The following APEH variants were observed in gnomAD, a reference collection of about 807,000 sequenced individuals.
APEH encodes the protein acylaminoacyl-peptide hydrolase, also known as acylamino-acid-releasing enzyme.
Under a neutral mutation model 102.7 loss-of-function variants are expected in APEH, and 75 were observed. The observed-to-expected ratio is 0.73, with a 90% CI of 0.61 to 0.89. APEH has a LOEUF of 0.89. APEH is among the 40% of genes least tolerant of loss of function. The pLI, the probability that APEH is intolerant of heterozygous loss-of-function variation, is 0.00. For missense variants in APEH, 863 were observed against 941.2 expected (o/e 0.92, Z 1.09); for synonymous variants, 344 against 362.7 (o/e 0.95, Z 0.59).
At chr3:49,675,808 G>A (rs372189144) in intron 4 of APEH, 21 bp downstream of exon 4, 1 of 1,613,118 alleles carries the variant, frequency 6.2e-7, no homozygotes, top group Non-Finnish European at 8.5e-7. Flanking sequence ...ATGGGACCAG[G>A]TAGTGGGTGA....
intron 11 of APEH, 105 bp downstream of exon 11, chr3:49,677,738 G>T: frequency 8.7e-7 from 1 of 1,144,624 alleles, no homozygotes; most frequent in Non-Finnish European, 1.3e-6. Flanking sequence ...CCTTCTGAGG[G>T]CCCTACCTCC....
intron 14 of APEH, 90 bp from the exon 15 acceptor site, chr3:49,681,011 T>C (rs2053293769): frequency 6.8e-7 from 1 of 1,464,586 alleles, no homozygotes; most frequent in African/African-American, 1.4e-5. Context: ...GGGCCCAGCA[T>C]AGTGAGAGCT....
chr3:49,680,476 A>G (rs1575476368), intron 13 of APEH, 65 bp from the exon 14 acceptor site: 2 of 1,427,554 alleles, frequency 1.4e-6, no homozygotes, highest in East Asian at 2.3e-5. Context: ...GGACTCTGTT[A>G]CAGAGAAGCA....
chr3:49,681,034 C>T, intron 14 of APEH, 67 bp from the exon 15 acceptor site: 3 of 1,503,524 alleles, frequency 2.0e-6, no homozygotes, highest in Non-Finnish European at 2.7e-6. Context: ...CTATTTCCCA[C>T]TGTGGGCAGA....
chr3:49,675,848 G>T, intron 4 of APEH, 43 bp from the exon 5 acceptor site: 1 of 1,612,678 alleles, frequency 6.2e-7, no homozygotes, highest in Non-Finnish European at 8.5e-7. Flanking sequence ...CACAGATAAG[G>T]CTCTGTTAGC....
In APEH at chr3:49,682,707, C is replaced by G. The variant is rs766350404; in HGVS notation, c.1854C>G (p.Ser618=). 1.9e-6 allele frequency: 3 copies of G among 1,613,868 alleles called. No homozygotes were observed. Among genetic ancestry groups the G allele is most frequent in the Non-Finnish European group, 2.5e-6 (3 of 1,180,012 alleles). ...GGAACCCCGTGATCAACATCGCCTC[C>G]ATGTTGGGCTCCACTGACATCCCTG... is the stretch of plus-strand genomic sequence containing the variant. ...VARNPVINIA[S]MLGSTDIPDW... Residue 618 remains serine, a synonymous_variant, in exon 19 of 22, where the codon TCC becomes TCG. Coordinates refer to ENST00000296456, the MANE Select transcript of APEH (RefSeq NM_001640.4).
Position 49,676,478 on chromosome 3 carries a change from T to G in APEH, c.707T>G (p.Val236Gly), listed in dbSNP as rs962991867. The G allele has an allele frequency of 6.2e-7, 1 of 1,614,240 alleles. No homozygotes were observed. The highest frequency in any genetic ancestry group is 1.7e-5 in the Admixed American group (1 of 60,032). Residue 236 changes from valine to glycine, a missense_variant, in exon 7 of 22, where the codon GTG (valine) becomes GGG (glycine). By Grantham distance (109) the Val-to-Gly change is moderately radical. Transcript: ENST00000296456. ...GATGTCGAGAGTGGCAACATCTCTG[T>G]GCTTGAGGGGGTCCCTGAGAATGTG... ...VLDVESGNIS[V>G]LEGVPENVSP...
At chr3:49,675,659 A>G in intron 3 of APEH, 35 bp from the exon 4 acceptor site, 2 of 1,577,436 alleles carry the variant, frequency 1.3e-6, no homozygotes, top group East Asian at 2.2e-5. Flanking sequence ...GGTTATTGCA[A>G]GATAATCCTG....
At position 49,676,396 on chromosome 3, in the gene APEH, TA is replaced by T; in HGVS notation, c.626del (p.Tyr209LeufsTer99). 1 of 1,614,230 alleles carries T rather than the reference TA, an allele frequency of 6.2e-7. No individual in the cohort carries two copies. Among genetic ancestry groups the T allele is most frequent in the Non-Finnish European group, 8.5e-7 (1 of 1,180,040 alleles). On this transcript the variant is annotated frameshift_variant, in exon 7 of 22. Coordinates refer to ENST00000296456, the MANE Select transcript of APEH (RefSeq NM_001640.4). LOFTEE classifies it high-confidence loss of function. ...TTCTCAGGGGGATCAGTTTGTGTTT[TA>T]TGAAGACTGGGGAGAAAACATGGTT... ...QAIKGDQFVF[Y>X]EDWGENMVSK...
intron 13 of APEH, chr3:49,680,079 T>G: frequency 4.1e-6 from 1 of 242,136 alleles, no homozygotes; most frequent in Non-Finnish European, 8.4e-6. Flanking sequence ...TACTTAGGCC[T>G]GGTGATTCTG....
chr3:49,679,800 G>T lies in APEH; in HGVS notation c.1210+156G>T, dbSNP rs1011944353. On this transcript the variant is annotated intron_variant, in intron 13 of 21. Transcript: ENST00000296456. This position sits in a 1 kb window ranked among gnomAD's most constrained non-coding sequence, Gnocchi z 4.3. The stretch of plus-strand genomic sequence containing the variant: ...ACAGCCTTTACTAACAGGTCCCCAA[G>T]GCCCCTGTCTGTGCAGACCCTTACC... 2.7e-6 allele frequency: 2 copies of T among 739,758 alleles called. No individual in the cohort carries two copies. The highest frequency in any genetic ancestry group is 3.5e-5 in the African/African-American group (2 of 57,546). The allele number at this position is 739,758 out of a possible 1,614,324, so 45.8% of individuals were successfully genotyped here. A position where few individuals can be genotyped will look rare whatever the true frequency, so the allele number is the denominator to read the frequency against.
At chr3:49,676,348 G>A in intron 6 of APEH, 30 bp from the exon 7 acceptor site, 1 of 1,613,978 alleles carries the variant, frequency 6.2e-7, no homozygotes. Flanking sequence ...CCTATAGACA[G>A]GCTGGGCATT....
chr3:49,675,626 G>A, intron 3 of APEH, 68 bp from the exon 4 acceptor site: 6 of 1,434,658 alleles, frequency 4.2e-6, no homozygotes, highest in Non-Finnish European at 5.9e-6. Context: ...CCTAAGAGGT[G>A]TGCCCAGTAG....
Position 49,679,100 on chromosome 3 carries a change from T to C in APEH, c.1158+151T>C. 1 of 656,114 alleles carries C rather than the reference T, an allele frequency of 1.5e-6. No homozygotes were observed. The highest frequency in any genetic ancestry group is 1.9e-5 in the South Asian group (1 of 52,972). The allele number at this position is 656,114 out of a possible 1,614,324, so 40.6% of individuals were successfully genotyped here. Reference sequence around the variant, plus strand: ...TGCCTGCCCATCCTGGACTCATTTCTCCTGGAGGGGACTGGCTGCCCTGGT... The same window carrying C: ...TGCCTGCCCATCCTGGACTCATTTCCCCTGGAGGGGACTGGCTGCCCTGGT... On this transcript the variant is annotated intron_variant, in intron 12 of 21. Transcript: ENST00000296456. The surrounding 1 kb of genome is among the most constrained non-coding windows in gnomAD (Gnocchi z 4.3).
In APEH at chr3:49,679,823, A is replaced by C; in HGVS notation, c.1210+179A>C. On this transcript the variant is annotated intron_variant, in intron 13 of 21. Transcript: ENST00000296456. The surrounding 1 kb of genome is among the most constrained non-coding windows in gnomAD (Gnocchi z 4.3). ...AAGGCCCCTGTCTGTGCAGACCCTTACCCAACCAACAGACTAGCTTCCCTG... is the reference window on the plus strand; with the variant it reads ...AAGGCCCCTGTCTGTGCAGACCCTTCCCCAACCAACAGACTAGCTTCCCTG... The C allele has an allele frequency of 1.7e-6, 1 of 603,968 alleles. No homozygotes were observed. The allele number at this position is 603,968 out of a possible 1,614,324, so 37.4% of individuals were successfully genotyped here.
In APEH at chr3:49,674,706, C is replaced by G; in HGVS notation, c.145+85C>G. 27 of 1,525,784 alleles carry G rather than the reference C, an allele frequency of 1.8e-5. No homozygotes were observed. In the South Asian group the frequency reaches 3.0e-4, roughly 17 times the overall value. 94.5% of individuals were successfully genotyped at this position (1,525,784 alleles called of 1,614,324 possible). On this transcript the variant is annotated intron_variant, in intron 2 of 21. Coordinates refer to ENST00000296456, the MANE Select transcript of APEH (RefSeq NM_001640.4). Reference sequence around the variant, plus strand: ...GGGGTGTGGAGGGCTCGCTGCTTGACAGTGCGTAAGGGTATATAGGGAGCC... The same window carrying G: ...GGGGTGTGGAGGGCTCGCTGCTTGAGAGTGCGTAAGGGTATATAGGGAGCC...
chr3:49,680,874 G>A (rs2053288382), intron 14 of APEH, among the ~76,000 whole-genome samples: 1 of 152,260 alleles, frequency 6.6e-6, no homozygotes, highest in Non-Finnish European at 1.5e-5. Flanking sequence ...ACAGAGCAAA[G>A]GAGACAGCAG....
At position 49,676,236 on chromosome 3, in the gene APEH, C is replaced by T; in HGVS notation, c.606+17C>T. ...GCCATCAAGGTGCTCGTGGTCAATCCACGAAGGCCCGGCAGGGCAGCCCTG... is the reference window on the plus strand; with the variant it reads ...GCCATCAAGGTGCTCGTGGTCAATCTACGAAGGCCCGGCAGGGCAGCCCTG... On this transcript the variant is annotated intron_variant, in intron 6 of 21. Coordinates refer to ENST00000296456, the MANE Select transcript of APEH (RefSeq NM_001640.4). The T allele has an allele frequency of 6.2e-7, 1 of 1,612,838 alleles. No homozygotes were observed. Among genetic ancestry groups the T allele is most frequent in the Non-Finnish European group, 8.5e-7 (1 of 1,179,292 alleles).
chr3:49,677,038 G>A lies in APEH; in HGVS notation c.999+14G>A. 2 of 1,613,972 alleles carry A rather than the reference G, an allele frequency of 1.2e-6. No individual in the cohort carries two copies. The highest frequency in any genetic ancestry group is 1.7e-6 in the Non-Finnish European group (2 of 1,180,002). On this transcript the variant is annotated intron_variant, in intron 10 of 21. Coordinates refer to ENST00000296456, the MANE Select transcript of APEH (RefSeq NM_001640.4). ...CAGCTGTGCCTGGTGAGCTGGAGGT[G>A]GCAGGGATGGGAGGGTGGTCAGCAA...
Sources: allele counts gnomAD v4.1 joint callset (sites outside exome capture counted in the v4.1 genomes callset), GRCh38; gene constraint gnomAD v4.1.1; non-coding constraint Gnocchi (gnomAD v3.1); transcripts MANE v1.5; gene names NCBI Gene and HGNC (gene_info 2026-07-23, HGNC 2026-07-21).